Variants in IKZF5 observed in about 807,000 individuals in gnomAD.
IKZF5 encodes the protein zinc finger protein Pegasus.
IKZF5 carries 4 observed loss-of-function variants against 30.7 expected under a neutral mutation model. That is an observed-to-expected ratio of 0.13 (90% CI 0.06 to 0.30). IKZF5 has a LOEUF of 0.30. IKZF5 is among the 10% of genes least tolerant of loss of function. The pLI, the probability that IKZF5 is intolerant of heterozygous loss-of-function variation, is 1.00. For missense variants in IKZF5, 348 were observed against 525.5 expected (o/e 0.66, Z 3.30); for synonymous variants, 148 against 179.6 (o/e 0.82, Z 1.41).
At position 122,998,556 on chromosome 10, in the gene IKZF5, G is replaced by A. The variant is rs1448763407; in HGVS notation, c.70C>T (p.His24Tyr). 3.1e-6 allele frequency: 5 copies of A among 1,613,266 alleles called. No individual in the cohort carries two copies. Among genetic ancestry groups the A allele is most frequent in the Non-Finnish European group, 3.4e-6 (4 of 1,179,282 alleles). Residue 24 changes from histidine (H) to tyrosine (Y), a missense_variant, in exon 3 of 5, where the codon CAT becomes TAT. His to Tyr is a moderately conservative substitution (Grantham distance 83, BLOSUM62 2). This residue lies in a region of IKZF5 where 80 missense variants were observed against 93.2 expected (regional missense o/e 0.86). Transcript: ENST00000368886. ...GATCCAGAAATCATGTTCACGTGAT[G>A]GGTCTGCTGAGTCAGGTATTCCTGA... ...DFQEYLTQQTHHVNMISGSVS... is the reference protein window; with the variant it reads ...DFQEYLTQQTYHVNMISGSVS...
At chr10:122,998,331 A>T (rs1849459010) in intron 3 of IKZF5, 162 bp downstream of exon 3, 1 of 552,080 alleles carries the variant, frequency 1.8e-6, no homozygotes, top group Admixed American at 3.5e-5. Context: ...TCTCCAGCAG[A>T]AGTCTGATAT....
Position 122,994,265 on chromosome 10 carries a change from C to A in IKZF5, c.775G>T (p.Ala259Ser). The change falls in exon 5 of 5, where the codon GCA (alanine) becomes TCA (serine). Residue 259 changes from alanine (A) to serine (S), a missense_variant. Around this residue, in one of 4 missense-constraint regions of IKZF5, gnomAD observed 176 missense variants for 198.2 expected, o/e 0.89. Coordinates refer to ENST00000368886, the MANE Select transcript of IKZF5 (RefSeq NM_001372123.1). The surrounding 1 kb of genome is among the most constrained non-coding windows in gnomAD (Gnocchi z 5.6). ...GGTGGCAGACTGGACAACTGCCCTG[C>A]TAGAGTCGAGAGCTGATTCAAAGGG... Reference protein sequence around the residue: ...DNPLNQLSTLAGQLSSLPPEN... With the variant: ...DNPLNQLSTLSGQLSSLPPEN... 1.2e-6 allele frequency: 2 copies of A among 1,613,950 alleles called. No individual in the cohort carries two copies. The highest frequency in any genetic ancestry group is 1.7e-6 in the Non-Finnish European group (2 of 1,179,950).
chr10:122,993,740 ACAAAAACAG>A lies in IKZF5; in HGVS notation c.*31_*39del. On this transcript the variant is annotated 3_prime_UTR_variant, in exon 5 of 5. Transcript: ENST00000368886. ...AACAAAAAACAAAAAAAACCAAACC[ACAAAAACAG>A]CAAAACTAAGTAAAATATGACTATT... 6.8e-7 allele frequency: 1 copy of A among 1,470,026 alleles called. No homozygotes were observed. Among genetic ancestry groups the A allele is most frequent in the Non-Finnish European group, 9.2e-7 (1 of 1,086,524 alleles). 91.1% of individuals were successfully genotyped at this position (1,470,026 alleles called of 1,614,324 possible). A position where few individuals can be genotyped will look rare whatever the true frequency, so the allele number is the denominator to read the frequency against.
chr10:122,998,603 G>T lies in IKZF5; in HGVS notation c.23C>A (p.Pro8His). The T allele has an allele frequency of 6.2e-7, 1 of 1,613,014 alleles. No homozygotes were observed. The highest frequency in any genetic ancestry group is 1.1e-5 in the South Asian group (1 of 90,752). The change falls in exon 3 of 5, where the codon CCT becomes CAT. Residue 8 changes from proline to histidine, a missense_variant. Pro to His is a moderately conservative substitution (Grantham distance 77). Coordinates refer to ENST00000368886, the MANE Select transcript of IKZF5 (RefSeq NM_001372123.1). Reference protein sequence around the residue: MGEKKPEPLDFVKDFQEY... With the variant: MGEKKPEHLDFVKDFQEY... ...CTGAAAATCTTTCACGAAGTCCAAA[G>T]GCTCTGGTTTTTTTTCACCCATCTT...
At chr10:122,996,410 G>A (rs1849374738) in intron 3 of IKZF5, among the ~76,000 whole-genome samples, 1 of 151,896 alleles carries the variant, frequency 6.6e-6, no homozygotes, top group African/African-American at 2.4e-5. Flanking sequence ...TTTACACAAG[G>A]CCAGTGCAGT....
At chr10:122,998,316 A>G (rs1849458021) in intron 3 of IKZF5, 177 bp downstream of exon 3, 1 of 515,760 alleles carries the variant, frequency 1.9e-6, no homozygotes, top group Non-Finnish European at 3.4e-6. Context: ...GACCATGTTA[A>G]GTACTCTCCA....
chr10:123,008,293 G>T (rs578113461), intron 1 of IKZF5, among the ~76,000 whole-genome samples: 1 of 152,220 alleles, frequency 6.6e-6, no homozygotes, highest in Admixed American at 6.5e-5. Flanking sequence ...TCCTCGCCAG[G>T]ATTCGAAACA....
Position 122,991,805 on chromosome 10 carries a change from C to A in IKZF5, c.*1975G>T, listed in dbSNP as rs1468555736. The A allele has an allele frequency of 1.3e-5, 2 of 152,132 alleles. No homozygotes were observed. Among genetic ancestry groups the A allele is most frequent in the Non-Finnish European group, 2.9e-5 (2 of 68,004 alleles). 9.4% of individuals were successfully genotyped at this position (152,132 alleles called of 1,614,324 possible). Reference sequence around the variant, plus strand: ...ATGTTTAAATTAAAATGCACCTTCACAACATCCATGGTCAGTTGTTAGAAA... The same window carrying A: ...ATGTTTAAATTAAAATGCACCTTCAAAACATCCATGGTCAGTTGTTAGAAA... On this transcript the variant is annotated 3_prime_UTR_variant, in exon 5 of 5. Coordinates refer to ENST00000368886, the MANE Select transcript of IKZF5 (RefSeq NM_001372123.1).
chr10:122,992,794 G>A lies in IKZF5; in HGVS notation c.*986C>T, dbSNP rs1017281472. 8 of 152,480 alleles carry A rather than the reference G, an allele frequency of 5.2e-5. No homozygotes were observed. The highest frequency in any genetic ancestry group is 1.9e-4 in the African/African-American group (8 of 41,434). 9.4% of individuals were successfully genotyped at this position (152,480 alleles called of 1,614,324 possible). On this transcript the variant is annotated 3_prime_UTR_variant, in exon 5 of 5. Transcript: ENST00000368886. ...CCATTTTGGACATGTTCTCAGTTTT[G>A]TAAATATGACTTCACTATCACATTC...
intron 2 of IKZF5, among the ~76,000 whole-genome samples, chr10:123,001,306 T>C (rs1037168476): frequency 6.6e-6 from 1 of 152,030 alleles, no homozygotes; most frequent in Non-Finnish European, 1.5e-5. Context: ...GCGCCCGGCC[T>C]TCACTTTCTT....
chr10:122,994,757 A>G lies in IKZF5; in HGVS notation c.317-34T>C, dbSNP rs1386445011. The G allele has an allele frequency of 6.7e-7, 1 of 1,487,210 alleles. No individual in the cohort carries two copies. The highest frequency in any genetic ancestry group is 2.2e-5 in the Admixed American group (1 of 45,322). The allele number at this position is 1,487,210 out of a possible 1,614,324, so 92.1% of individuals were successfully genotyped here. ...AAAGAAAAATGATGGAGAAACTACAAGAGTAGTTCATTTATGGAAAGTTTT... is the reference window on the plus strand; with the variant it reads ...AAAGAAAAATGATGGAGAAACTACAGGAGTAGTTCATTTATGGAAAGTTTT... On this transcript the variant is annotated intron_variant, in intron 4 of 4. Transcript: ENST00000368886. This position sits in a 1 kb window ranked among gnomAD's most constrained non-coding sequence, Gnocchi z 5.6.
chr10:122,994,920 A>C lies in IKZF5; in HGVS notation c.317-197T>G. On this transcript the variant is annotated intron_variant, in intron 4 of 4. Transcript: ENST00000368886. The surrounding 1 kb of genome is among the most constrained non-coding windows in gnomAD (Gnocchi z 5.6). Reference sequence around the variant, plus strand: ...AAATAAAGCTTAAGAACTCATCAGCAACAACCTGAAATATGCATTGATGTT... The same window carrying C: ...AAATAAAGCTTAAGAACTCATCAGCCACAACCTGAAATATGCATTGATGTT... 1.8e-6 allele frequency: 1 copy of C among 568,954 alleles called. No homozygotes were observed. Among genetic ancestry groups the C allele is most frequent in the East Asian group, 2.9e-5 (1 of 34,232 alleles). The allele number at this position is 568,954 out of a possible 1,614,324, so 35.2% of individuals were successfully genotyped here. A position where few individuals can be genotyped will look rare whatever the true frequency, so the allele number is the denominator to read the frequency against.
chr10:122,997,047 G>C (rs1274804360), intron 3 of IKZF5: 1 of 152,200 alleles, frequency 6.6e-6, no homozygotes, highest in Non-Finnish European at 1.5e-5. Flanking sequence ...TGAAGGTTAA[G>C]GTTTTAAGAA....
intron 2 of IKZF5, among the ~76,000 whole-genome samples, chr10:123,001,215 C>T (rs1437849816): frequency 6.6e-6 from 1 of 152,038 alleles, no homozygotes; most frequent in Non-Finnish European, 1.5e-5. Context: ...ACCGTGTTAG[C>T]CAGGATGGTC....
At chr10:123,002,002 G>A (rs571605679) in intron 2 of IKZF5, among the ~76,000 whole-genome samples, 19 of 152,300 alleles carry the variant, frequency 1.2e-4, no homozygotes, top group Admixed American at 1.1e-3. Flanking sequence ...CAACCACTCA[G>A]TAACAGGGCT....
In IKZF5 at chr10:123,007,136, G is replaced by A. The variant is rs1434210800; in HGVS notation, c.-157C>T. On this transcript the variant is annotated 5_prime_UTR_variant, in exon 2 of 5. Transcript: ENST00000368886. ...CAGCAAGGGACTCCAAAAGGCCATGGAGAGAGAATTTCAACTAAAATTGAA... is the reference window on the plus strand; with the variant it reads ...CAGCAAGGGACTCCAAAAGGCCATGAAGAGAGAATTTCAACTAAAATTGAA... 1.3e-5 allele frequency: 2 copies of A among 152,180 alleles called. No homozygotes were observed. Among genetic ancestry groups the A allele is most frequent in the Non-Finnish European group, 2.9e-5 (2 of 68,036 alleles). The allele number at this position is 152,180 out of a possible 1,614,324, so 9.4% of individuals were successfully genotyped here.
At position 122,996,184 on chromosome 10, in the gene IKZF5, C is replaced by G. The variant is rs767385763; in HGVS notation, c.134-8G>C. 2 of 1,607,860 alleles carry G rather than the reference C, an allele frequency of 1.2e-6. No homozygotes were observed. Among genetic ancestry groups the G allele is most frequent in the Admixed American group, 3.3e-5 (2 of 59,760 alleles). ...GATCACCATCTGTTCCAGCTATAAACAAAGTACCGCAAAAGAAATTATGCA... is the reference window on the plus strand; with the variant it reads ...GATCACCATCTGTTCCAGCTATAAAGAAAGTACCGCAAAAGAAATTATGCA... On this transcript the variant is annotated splice_polypyrimidine_tract_variant and splice_region_variant and intron_variant, in intron 3 of 4. Transcript: ENST00000368886.
chr10:123,005,066 A>G (rs1202003917), intron 2 of IKZF5, among the ~76,000 whole-genome samples: 3 of 152,168 alleles, frequency 2.0e-5, no homozygotes, highest in African/African-American at 7.2e-5. Flanking sequence ...AGGTGGGAGG[A>G]CTGCCTGAGC....
In IKZF5 at chr10:122,993,781, C is replaced by T; in HGVS notation, c.1259G>A (p.Ter420=). Residue 420 remains the stop codon, a stop_retained_variant, in exon 5 of 5, where the codon TGA becomes TAA. Transcript: ENST00000368886. ...HFARGQHNQH[*] Reference sequence around the variant, plus strand: ...TAAGTAAAATATGACTATTTTCAATCAATGTTGGTTATGTTGCCCTCTTGC... The same window carrying T: ...TAAGTAAAATATGACTATTTTCAATTAATGTTGGTTATGTTGCCCTCTTGC... 2.6e-6 allele frequency: 4 copies of T among 1,566,106 alleles called. No homozygotes were observed. The highest frequency in any genetic ancestry group is 3.5e-6 in the Non-Finnish European group (4 of 1,153,678).
Sources: allele counts gnomAD v4.1 joint callset (sites outside exome capture counted in the v4.1 genomes callset), GRCh38; gene constraint gnomAD v4.1.1; regional missense constraint gnomAD v4.1.1; non-coding constraint Gnocchi (gnomAD v3.1); transcripts MANE v1.5; gene names NCBI Gene and HGNC (gene_info 2026-07-23, HGNC 2026-07-21).